Variants in FAM168A observed in about 807,000 individuals in gnomAD.
FAM168A encodes family with sequence similarity 168 member A.
In FAM168A, 3 loss-of-function variants were observed where a neutral mutation model predicts 28.5. That is an observed-to-expected ratio of 0.11 (90% CI 0.05 to 0.27). The LOEUF (loss-of-function observed/expected upper bound fraction) is 0.27. Ranked by LOEUF, FAM168A falls within the 10% of genes least tolerant of loss-of-function variation. The probability of loss-of-function intolerance (pLI) is 1.00; values close to 1 mark genes in which losing one functional copy is unlikely to be tolerated. For synonymous variants in FAM168A, 122 were observed against 124.2 expected, an observed-to-expected ratio of 0.98 and a Z score of 0.12; for missense variants, 222 against 311.5, an observed-to-expected ratio of 0.71 and a Z score of 2.16.
rs112537092 is a variant in FAM168A, at chr11:73,518,324, C to T, written c.-18-49832G>A. On this transcript the variant is annotated intron_variant, in intron 1 of 7. Coordinates refer to ENST00000356467, the MANE Select transcript of FAM168A (RefSeq NM_015159.3). ...AGTTTGGAAATCTGACCTTCCAAAC[C>T]TCATGTTGAAATTTGATCCCCTATC... Among the ~76,000 whole-genome samples, 1,078 of 151,628 alleles carry T rather than the reference C, an allele frequency of 7.1e-3. 13 individuals carry two copies. Among genetic ancestry groups the T allele is most frequent in the African/African-American group, 0.023 (943 of 41,326 alleles).
Position 73,419,981 on chromosome 11 carries a change from T to A in FAM168A, c.170A>T (p.Gln57Leu). 1 of 1,613,766 alleles carries A rather than the reference T, an allele frequency of 6.2e-7. No homozygotes were observed. Reference sequence around the variant, plus strand: ...GGAAGACGAGTTCTGTGGCCAGGCCTGTTTCATCAGCAGAGTTGCTTAAGG... The same window carrying A: ...GGAAGACGAGTTCTGTGGCCAGGCCAGTTTCATCAGCAGAGTTGCTTAAGG... The part of the protein sequence containing the change: ...SYAPATLLMK[Q>L]AWPQNSSSCG... Residue 57 changes from glutamine to leucine, a missense_variant, in exon 4 of 8, where the codon CAG (glutamine) becomes CTG (leucine). This residue lies in a region of FAM168A where 153 missense variants were observed against 189.2 expected (regional missense o/e 0.81). Transcript: ENST00000356467.
chr11:73,420,453 C>T (rs1590760801), intron 3 of FAM168A, among the ~76,000 whole-genome samples: 1 of 152,196 alleles, frequency 6.6e-6, no homozygotes, highest in Non-Finnish European at 1.5e-5. Context: ...GACAGGCCCA[C>T]AAATAATGAC....
chr11:73,505,869 G>T (rs1271948873), intron 1 of FAM168A, among the ~76,000 whole-genome samples: 1 of 152,148 alleles, frequency 6.6e-6, no homozygotes, highest in Non-Finnish European at 1.5e-5. Context: ...CTTCTCCCTT[G>T]AGACACTGAC....
At chr11:73,580,243 C>T (rs1203637379) in intron 1 of FAM168A, 6 of 532,848 alleles carry the variant, frequency 1.1e-5, no homozygotes, top group East Asian at 5.0e-5. Context: ...CCGTCACTGT[C>T]GCCGCCACCA....
At chr11:73,547,582 A>C (rs888972782) in intron 1 of FAM168A, among the ~76,000 whole-genome samples, 1 of 152,182 alleles carries the variant, frequency 6.6e-6, no homozygotes, top group Non-Finnish European at 1.5e-5. Context: ...GGGTCGCTTG[A>C]GCCCAGGAGT....
chr11:73,514,002 G>A (rs1314393888), intron 1 of FAM168A, among the ~76,000 whole-genome samples: 1 of 151,760 alleles, frequency 6.6e-6, no homozygotes, highest in Non-Finnish European at 1.5e-5. Flanking sequence ...TGGGCAACAT[G>A]GCAAAACCCT....
At chr11:73,518,870 C>A (rs1280343664) in intron 1 of FAM168A, among the ~76,000 whole-genome samples, 1 of 152,100 alleles carries the variant, frequency 6.6e-6, no homozygotes, top group Non-Finnish European at 1.5e-5. Context: ...GCACTCCAGC[C>A]TGGGAGACAG....
intron 1 of FAM168A, among the ~76,000 whole-genome samples, chr11:73,537,457 G>A (rs962864055): frequency 6.6e-6 from 1 of 152,080 alleles, no homozygotes; most frequent in Non-Finnish European, 1.5e-5. Flanking sequence ...GCTACTTGGG[G>A]GACTGAGGTA....
chr11:73,568,087 C>T (rs190328343), intron 1 of FAM168A, among the ~76,000 whole-genome samples: 3 of 152,294 alleles, frequency 2.0e-5, no homozygotes, highest in South Asian at 2.1e-4. Flanking sequence ...ATCTACTAGA[C>T]GTTGGCGGTA....
chr11:73,504,544 C>T (rs1361149881), intron 1 of FAM168A, among the ~76,000 whole-genome samples: 1 of 152,186 alleles, frequency 6.6e-6, no homozygotes, highest in Admixed American at 6.5e-5. Flanking sequence ...AACGCTTTTA[C>T]ACTGTTGGTG....
chr11:73,503,159 G>A (rs1176853630), intron 1 of FAM168A, among the ~76,000 whole-genome samples: 2 of 152,094 alleles, frequency 1.3e-5, no homozygotes, highest in African/African-American at 4.8e-5. Context: ...AGGGCAATCA[G>A]ACAAGATAAA....
rs567146399 is a variant in FAM168A at position 73,541,650 on chromosome 11, G to A, written c.-19+56273C>T. On this transcript the variant is annotated intron_variant, in intron 1 of 7. Coordinates refer to ENST00000356467, the MANE Select transcript of FAM168A (RefSeq NM_015159.3). ...CTCCCAAAGTGCTGGGATTACAGGC[G>A]TGAGCCACCGCACCCGGCTCCTAAA... is the stretch of plus-strand genomic sequence containing the variant. Among the ~76,000 whole-genome samples, 11 of 152,230 alleles carry A rather than the reference G, an allele frequency of 7.2e-5. No homozygotes were observed. In the South Asian group the frequency reaches 1.0e-3, roughly 14 times the overall value.
Position 73,544,974 on chromosome 11 carries a change from T to C in FAM168A, c.-19+52949A>G, listed in dbSNP as rs1196345865. ...AATATATTATATATAATATATATTA[T>C]ATAATATATTTTATATATAGTATAT... On this transcript the variant is annotated intron_variant, in intron 1 of 7. Transcript: ENST00000356467. Among the ~76,000 whole-genome samples, 17 of 89,154 alleles carry C rather than the reference T, an allele frequency of 1.9e-4. 1 individual carries two copies. The highest frequency in any genetic ancestry group is 6.2e-4 in the African/African-American group (9 of 14,460). 58.5% of individuals were successfully genotyped at this position (89,154 alleles called of 152,430 possible).
chr11:73,589,926 T>C (rs1360286151), intron 1 of FAM168A, among the ~76,000 whole-genome samples: 4 of 152,046 alleles, frequency 2.6e-5, no homozygotes, highest in Admixed American at 1.3e-4. Flanking sequence ...AAACTCCGTC[T>C]AAAAAGAAAA....
chr11:73,469,192 T>G (rs1475342896), intron 1 of FAM168A, among the ~76,000 whole-genome samples: 1 of 152,242 alleles, frequency 6.6e-6, no homozygotes, highest in Admixed American at 6.5e-5. Context: ...ACAAGTGCTC[T>G]GTTAATTATC....
intron 1 of FAM168A, among the ~76,000 whole-genome samples, chr11:73,541,649 C>T (rs564272874): frequency 1.2e-3 from 181 of 152,252 alleles, no homozygotes; most frequent in Non-Finnish European, 1.2e-3. Context: ...GGATTACAGG[C>T]GTGAGCCACC....
At chr11:73,416,137 C>T (rs995622237) in intron 4 of FAM168A, among the ~76,000 whole-genome samples, 6 of 152,204 alleles carry the variant, frequency 3.9e-5, no homozygotes, top group Non-Finnish European at 7.3e-5. Flanking sequence ...TTAGATCACT[C>T]GAAGTCCCAG....
Position 73,556,535 on chromosome 11 carries a change from G to GT in FAM168A, c.-19+41387dup, listed in dbSNP as rs1217677623. On this transcript the variant is annotated intron_variant, in intron 1 of 7. Coordinates refer to ENST00000356467, the MANE Select transcript of FAM168A (RefSeq NM_015159.3). ...AGATCGAATGGGGATTGTCAGGGGG[G>GT]TAGGGAGAATGGGGCAATAGGGAGT... Among the ~76,000 whole-genome samples the GT allele has an allele frequency of 3.9e-5, 6 of 152,056 alleles. No individual in the cohort carries two copies. The East Asian group carries it at 9.6e-4, about 24-fold the overall frequency.
chr11:73,441,635 C>T (rs757883819), intron 2 of FAM168A, among the ~76,000 whole-genome samples: 3 of 152,126 alleles, frequency 2.0e-5, no homozygotes, highest in Non-Finnish European at 4.4e-5. Context: ...TCACCAATGA[C>T]GCCATCTGGT....
Sources: gnomAD v4.1 joint callset for allele counts (sites outside exome capture counted in the v4.1 genomes callset) on GRCh38, gnomAD v4.1.1 for gene constraint, gnomAD v4.1.1 regional missense constraint, MANE v1.5 for transcripts, NCBI Gene and HGNC (gene_info 2026-07-23, HGNC 2026-07-21) for gene names.